Variants in PITPNC1 observed in about 807,000 individuals in gnomAD.
The protein encoded by PITPNC1 is phosphatidylinositol transfer protein cytoplasmic 1, also known as cytoplasmic phosphatidylinositol transfer protein 1.
In PITPNC1, 18 loss-of-function variants were observed where a neutral mutation model predicts 44.7. That is an observed-to-expected ratio of 0.40 (90% CI 0.28 to 0.60). PITPNC1 has a LOEUF of 0.60. Among genes scored for constraint, PITPNC1 ranks in the 20% least tolerant of loss-of-function variants. The pLI, the probability that PITPNC1 is intolerant of heterozygous loss-of-function variation, is 0.39. For synonymous variants in PITPNC1, 141 were observed against 149.6 expected (o/e 0.94, Z 0.42); for missense variants, 290 against 418.4 (o/e 0.69, Z 2.68).
chr17:67,687,160 C>T, intron 8 of PITPNC1: 1 of 1,583,698 alleles, frequency 6.3e-7, no homozygotes, highest in East Asian at 2.2e-5. Context: ...CTGTGGATGA[C>T]ATAGAGAGTC....
intron 1 of PITPNC1, among the ~76,000 whole-genome samples, chr17:67,398,079 CG>C (rs2038248411): frequency 7.2e-6 from 1 of 139,644 alleles, no homozygotes; most frequent in African/African-American, 2.8e-5. Flanking sequence ...GGCGACAGAG[CG>C]AGACTCCGTC....
intron 6 of PITPNC1, among the ~76,000 whole-genome samples, chr17:67,656,564 G>T (rs1159758878): frequency 6.6e-6 from 1 of 152,130 alleles, no homozygotes; most frequent in Admixed American, 6.6e-5. Context: ...TTTTGGGGAG[G>T]ATTTATTTAA....
chr17:67,520,932 T>C (rs941336998), intron 1 of PITPNC1, among the ~76,000 whole-genome samples: 3 of 152,130 alleles, frequency 2.0e-5, no homozygotes, highest in African/African-American at 7.2e-5. Flanking sequence ...GCTTTTCAAT[T>C]TATGAGTCAA....
chr17:67,599,034 A>ATATATAT (rs1461493250), intron 5 of PITPNC1, among the ~76,000 whole-genome samples: 39 of 35,662 alleles, frequency 1.1e-3, no homozygotes, highest in African/African-American at 2.6e-3. Flanking sequence ...ATATATATAT[A>ATATATAT]TTTTTTTTTT....
At chr17:67,578,367 C>A in intron 5 of PITPNC1, 110 bp downstream of exon 5, 1 of 736,634 alleles carries the variant, frequency 1.4e-6, no homozygotes, top group Non-Finnish European at 2.4e-6. Flanking sequence ...GTGCCTGGGA[C>A]CTCAGAGATG....
intron 5 of PITPNC1, among the ~76,000 whole-genome samples, chr17:67,606,759 G>GT (rs368398490): frequency 8.1e-4 from 119 of 147,450 alleles, no homozygotes; most frequent in South Asian, 1.5e-3. Context: ...CCAGAAGAGG[G>GT]TTTTTTTTTT....
intron 5 of PITPNC1, among the ~76,000 whole-genome samples, chr17:67,623,440 C>T (rs1335377238): frequency 2.6e-5 from 4 of 152,108 alleles, no homozygotes; most frequent in Non-Finnish European, 4.4e-5. Flanking sequence ...AGTACAATGG[C>T]GTGATCTTGG....
intron 1 of PITPNC1, chr17:67,408,729 C>CCTTCCTTT (rs1420868805): frequency 9.1e-5 from 12 of 131,394 alleles, no homozygotes; most frequent in Admixed American, 4.1e-4. Flanking sequence ...TTCCTTCCTT[C>CCTTCCTTT]CTTTCTTTCT....
chr17:67,379,073 T>TTTCTTCCCC (rs1329036037), intron 1 of PITPNC1: 4 of 985,810 alleles, frequency 4.1e-6, no homozygotes, highest in Admixed American at 6.1e-5. Flanking sequence ...CCGGCTTCCC[T>TTTCTTCCCC]TTCTTCCCCT....
intron 1 of PITPNC1, among the ~76,000 whole-genome samples, chr17:67,484,021 C>T (rs1208159058): frequency 3.3e-5 from 5 of 150,980 alleles, no homozygotes; most frequent in African/African-American, 4.9e-5. Flanking sequence ...CAGGTTCAAG[C>T]GATTCTCCTG....
intron 1 of PITPNC1, among the ~76,000 whole-genome samples, chr17:67,481,375 A>G (rs1308962232): frequency 6.6e-6 from 1 of 152,274 alleles, no homozygotes; most frequent in African/African-American, 2.4e-5. Flanking sequence ...CTCCACTGCC[A>G]GCTGCAAAGC....
chr17:67,669,792 C>A (rs1296108196), intron 7 of PITPNC1, 129 bp downstream of exon 7: 11 of 666,740 alleles, frequency 1.6e-5, no homozygotes, highest in Non-Finnish European at 2.8e-5. Context: ...ACTTTTTGGG[C>A]CGGTTGGGGT....
At chr17:67,408,707 TTCCTTCCTTCCTTCCTTC>T (rs1567978377) in intron 1 of PITPNC1, 4 of 148,518 alleles carry the variant, frequency 2.7e-5, no homozygotes, top group Non-Finnish European at 4.5e-5. Flanking sequence ...CCTTCCTTCC[TTCCTTCCTTCCTTCCTTC>T]CTTCCTTTCT....
At chr17:67,500,377 C>T (rs1255630768) in intron 1 of PITPNC1, among the ~76,000 whole-genome samples, 1 of 151,954 alleles carries the variant, frequency 6.6e-6, no homozygotes. Context: ...AACATCATAC[C>T]CAAGTGAAAG....
chr17:67,575,860 TTCCTTCTTTCTTTCTTTCC>T, intron 4 of PITPNC1, among the ~76,000 whole-genome samples: 4 of 23,602 alleles, frequency 1.7e-4, no homozygotes, highest in Non-Finnish European at 2.1e-4. Context: ...CTTTCTTTCC[TTCCTTCTTTCTTTCTTTCC>T]TTTTTTTTTT....
chr17:67,477,548 C>G (rs1440274228), intron 1 of PITPNC1, among the ~76,000 whole-genome samples: 1 of 150,952 alleles, frequency 6.6e-6, no homozygotes, highest in East Asian at 1.9e-4. Context: ...TCCAGCCTGC[C>G]CAGCTCATTT....
intron 5 of PITPNC1, among the ~76,000 whole-genome samples, chr17:67,600,965 C>T (rs1038320991): frequency 1.3e-5 from 2 of 151,990 alleles, no homozygotes. Flanking sequence ...TCCAGACCCT[C>T]TTCTATATGC....
At chr17:67,474,138 G>C (rs1014311155) in intron 1 of PITPNC1, among the ~76,000 whole-genome samples, 3 of 152,118 alleles carry the variant, frequency 2.0e-5, no homozygotes, top group Admixed American at 6.5e-5. Context: ...GCGGTGGATG[G>C]AGCGAAGTTC....
intron 6 of PITPNC1, among the ~76,000 whole-genome samples, chr17:67,647,468 T>TG (rs1222065023): frequency 1.3e-4 from 10 of 74,978 alleles, no homozygotes; most frequent in African/African-American, 7.3e-4. Context: ...TTTTGGGTTT[T>TG]TTTTTTTTTT....
Sources: gnomAD v4.1 joint callset for allele counts (sites outside exome capture counted in the v4.1 genomes callset) on GRCh38, gnomAD v4.1.1 for gene constraint, MANE v1.5 for transcripts, NCBI Gene and HGNC (gene_info 2026-07-23, HGNC 2026-07-21) for gene names.